The following ST3GAL6 variants were observed in gnomAD, a reference collection of about 807,000 sequenced individuals.
ST3GAL6 encodes type 2 lactosamine alpha-2,3-sialyltransferase.
ST3GAL6 carries 31 observed loss-of-function variants against 40.5 expected under a neutral mutation model. That is an observed-to-expected ratio of 0.77 (90% CI 0.58 to 1.03). The LOEUF (loss-of-function observed/expected upper bound fraction) is 1.03. Ranked by LOEUF, ST3GAL6 falls within the 50% of genes least tolerant of loss-of-function variation. The pLI, the probability that ST3GAL6 is intolerant of heterozygous loss-of-function variation, is 0.00. For synonymous variants in ST3GAL6, 129 were observed against 136.9 expected, an observed-to-expected ratio of 0.94 and a Z score of 0.40; for missense variants, 357 against 393.2, an observed-to-expected ratio of 0.91 and a Z score of 0.78.
intron 1 of ST3GAL6, among the ~76,000 whole-genome samples, chr3:98,744,821 G>A (rs1936414189): frequency 2.0e-5 from 3 of 151,884 alleles, no homozygotes. Flanking sequence ...GTGGCATGTT[G>A]TAAATAAAGG....
At chr3:98,735,861 AC>A (rs1388280354) in intron 1 of ST3GAL6, among the ~76,000 whole-genome samples, 1 of 152,246 alleles carries the variant, frequency 6.6e-6, no homozygotes, top group Non-Finnish European at 1.5e-5. Context: ...TGTCAGAAAC[AC>A]AATTCCCTCA....
chr3:98,733,610 T>A, intron 1 of ST3GAL6: 1 of 985,262 alleles, frequency 1.0e-6, no homozygotes, highest in African/African-American at 1.7e-5. Flanking sequence ...ATTGCAGTGT[T>A]TGGGCTGCTG....
chr3:98,771,907 T>C (rs1939038375), intron 3 of ST3GAL6, among the ~76,000 whole-genome samples: 1 of 131,468 alleles, frequency 7.6e-6, no homozygotes, highest in African/African-American at 2.5e-5. Context: ...ATTTATATAA[T>C]AAGAAAAAAA....
Position 98,794,377 on chromosome 3 carries a change from A to G in ST3GAL6, c.*616A>G, listed in dbSNP as rs1941441844. The G allele has an allele frequency of 6.6e-6, 1 of 152,210 alleles. No individual in the cohort carries two copies. Among genetic ancestry groups the G allele is most frequent in the African/African-American group, 2.4e-5 (1 of 41,434 alleles). 9.4% of individuals were successfully genotyped at this position (152,210 alleles called of 1,614,324 possible). A position where few individuals can be genotyped will look rare whatever the true frequency, so the allele number is the denominator to read the frequency against. ...ATTAGATAAGTAAATAACTAAAGAA[A>G]GAATACAATTACTAAACTCTGATGG... On this transcript the variant is annotated 3_prime_UTR_variant, in exon 10 of 10. Transcript: ENST00000483910.
At chr3:98,792,419 A>G (rs984282075) in intron 9 of ST3GAL6, among the ~76,000 whole-genome samples, 9 of 152,306 alleles carry the variant, frequency 5.9e-5, no homozygotes, top group African/African-American at 1.9e-4. Context: ...ATGATCAAAA[A>G]GGTTACCAAC....
intron 1 of ST3GAL6, among the ~76,000 whole-genome samples, chr3:98,764,645 A>G (rs1017689216): frequency 3.3e-5 from 5 of 152,168 alleles, no homozygotes; most frequent in Admixed American, 2.0e-4. Context: ...CCTGATAGAG[A>G]CAGATTTGAG....
rs1434843715 is a variant in ST3GAL6 at position 98,772,903 on chromosome 3, G to A, written c.258G>A (p.Gly86=). The change falls in exon 4 of 10, where the codon GGG becomes GGA. Residue 86 remains glycine (G), a synonymous_variant. Coordinates refer to ENST00000483910, the MANE Select transcript of ST3GAL6 (RefSeq NM_001323368.2). ...YGSDKFDLPY[G]MRTSAEYFRL... ...GCGATAAGTTTGATTTGCCCTATGG[G>A]ATGAGAACATCAGGTCAGTAGTAGT... The A allele has an allele frequency of 3.1e-6, 5 of 1,609,452 alleles. No individual in the cohort carries two copies. In the Admixed American group the frequency reaches 8.3e-5, roughly 27 times the overall value.
intron 5 of ST3GAL6, 129 bp from the exon 6 acceptor site, chr3:98,784,816 G>T: frequency 1.5e-6 from 1 of 658,776 alleles, no homozygotes; most frequent in Non-Finnish European, 2.7e-6. Context: ...CTTGTAAGTC[G>T]CAGTTGGTTC....
intron 8 of ST3GAL6, among the ~76,000 whole-genome samples, chr3:98,791,241 G>A (rs1355808749): frequency 2.0e-5 from 3 of 152,096 alleles, no homozygotes; most frequent in African/African-American, 4.8e-5. Context: ...AAGTATAATG[G>A]TGCAGCTGAG....
At chr3:98,741,643 G>T (rs1936096079) in intron 1 of ST3GAL6, among the ~76,000 whole-genome samples, 1 of 152,074 alleles carries the variant, frequency 6.6e-6, no homozygotes, top group Admixed American at 6.5e-5. Context: ...GAGGCCTATG[G>T]CTTATATATT....
At chr3:98,737,628 A>G (rs1267964120) in intron 1 of ST3GAL6, among the ~76,000 whole-genome samples, 1 of 152,270 alleles carries the variant, frequency 6.6e-6, no homozygotes, top group East Asian at 1.9e-4. Flanking sequence ...ATAGAAAATT[A>G]TTTTTGAGAT....
intron 1 of ST3GAL6, among the ~76,000 whole-genome samples, chr3:98,742,997 G>C (rs1403057778): frequency 7.2e-6 from 1 of 139,544 alleles, no homozygotes; most frequent in Non-Finnish European, 1.5e-5. Context: ...ACCATGCCAG[G>C]CTCTTTTTTT....
chr3:98,782,360 A>G, intron 5 of ST3GAL6: 1 of 698,954 alleles, frequency 1.4e-6, no homozygotes, highest in Non-Finnish European at 2.6e-6. Flanking sequence ...TAGGGAAAAT[A>G]TCAGCAATAT....
At chr3:98,741,392 A>G (rs1458464276) in intron 1 of ST3GAL6, among the ~76,000 whole-genome samples, 3 of 151,980 alleles carry the variant, frequency 2.0e-5, no homozygotes, top group Non-Finnish European at 4.4e-5. Context: ...TCCAATTTAT[A>G]TTGGGGAGTG....
chr3:98,790,011 A>T (rs752653549), intron 8 of ST3GAL6, among the ~76,000 whole-genome samples: 10 of 152,212 alleles, frequency 6.6e-5, no homozygotes, highest in South Asian at 4.1e-4. Context: ...CGTGGAGGTC[A>T]TATTGGTGAT....
At chr3:98,763,941 T>C (rs1938062122) in intron 1 of ST3GAL6, among the ~76,000 whole-genome samples, 2 of 151,934 alleles carry the variant, frequency 1.3e-5, no homozygotes, top group Admixed American at 1.3e-4. Context: ...CTCCTCAGAC[T>C]CTCTTTCTGT....
chr3:98,782,609 C>A, intron 5 of ST3GAL6: 2 of 492,460 alleles, frequency 4.1e-6, no homozygotes, highest in South Asian at 2.1e-5. Context: ...TCATCCAAAC[C>A]AGTACAGTAA....
chr3:98,732,794 C>T, intron 1 of ST3GAL6: 3 of 1,409,032 alleles, frequency 2.1e-6, no homozygotes, highest in Non-Finnish European at 1.9e-6. Flanking sequence ...GGGAAGGAAT[C>T]GTGCCCGCGC....
chr3:98,787,973 C>A, intron 6 of ST3GAL6, 63 bp from the exon 7 acceptor site: 1 of 1,452,490 alleles, frequency 6.9e-7, no homozygotes, highest in Non-Finnish European at 9.4e-7. Flanking sequence ...CCTCTGAGAA[C>A]TGTGATGGGA....
Sources: gnomAD v4.1 joint callset for allele counts (sites outside exome capture counted in the v4.1 genomes callset) on GRCh38, gnomAD v4.1.1 for gene constraint, MANE v1.5 for transcripts, NCBI Gene and HGNC (gene_info 2026-07-23, HGNC 2026-07-21) for gene names.